PRDM11: variants seen among roughly 807,000 people sequenced by gnomAD.
The protein encoded by PRDM11 is PR/SET domain 11.
Under a neutral mutation model 97.8 loss-of-function variants are expected in PRDM11, and 20 were observed. The ratio of observed to expected loss-of-function variants is 0.20; its 90% CI spans 0.14 to 0.30. PRDM11 has a LOEUF of 0.30. PRDM11 is among the 10% of genes least tolerant of loss of function. PRDM11 has a pLI of 1.00. For synonymous variants in PRDM11, 599 were observed against 637.7 expected, an observed-to-expected ratio of 0.94 and a Z score of 0.91; for missense variants, 1,139 against 1,555.2, an observed-to-expected ratio of 0.73 and a Z score of 4.50.
chr11:45,166,490 T>G (rs1852068947), intron 1 of PRDM11, among the ~76,000 whole-genome samples: 1 of 152,220 alleles, frequency 6.6e-6, no homozygotes, highest in African/African-American at 2.4e-5. Context: ...AGTGGCACTC[T>G]TACCCATGGA....
At position 45,182,360 on chromosome 11, in the gene PRDM11, C is replaced by T. The variant is rs1310366312; in HGVS notation, c.223+11C>T. ...AAGTGGACTTCTGGTGTAAGTGGAGCTTGGGGCTCTGGGCTGCTCCTCCCT... is the reference window on the plus strand; with the variant it reads ...AAGTGGACTTCTGGTGTAAGTGGAGTTTGGGGCTCTGGGCTGCTCCTCCCT... On this transcript the variant is annotated intron_variant, in intron 3 of 7. Transcript: ENST00000683152. The T allele has an allele frequency of 6.2e-7, 1 of 1,610,390 alleles. No homozygotes were observed. The highest frequency in any genetic ancestry group is 8.5e-7 in the Non-Finnish European group (1 of 1,177,078).
chr11:45,225,136 G>T, intron 7 of PRDM11: 1 of 1,398,078 alleles, frequency 7.2e-7, no homozygotes, highest in Non-Finnish European at 9.3e-7. Flanking sequence ...CTCTGGTACT[G>T]GTGTCTTACC....
intron 1 of PRDM11, among the ~76,000 whole-genome samples, chr11:45,124,377 ATGT>A (rs1852516326): frequency 6.6e-6 from 1 of 152,016 alleles, no homozygotes; most frequent in African/African-American, 2.4e-5. Flanking sequence ...TTCCAACACT[ATGT>A]TGAATAGGAG....
intron 4 of PRDM11, among the ~76,000 whole-genome samples, chr11:45,195,478 G>A (rs1853087995): frequency 6.6e-6 from 1 of 151,984 alleles, no homozygotes; most frequent in African/African-American, 2.4e-5. Flanking sequence ...TATGTAGTAT[G>A]TGGTCTTTGT....
intron 1 of PRDM11, among the ~76,000 whole-genome samples, chr11:45,125,315 A>T (rs2135635895): frequency 6.6e-6 from 1 of 152,194 alleles, no homozygotes; most frequent in South Asian, 2.1e-4. Flanking sequence ...AATTTTTTGA[A>T]GGGTTTTTTG....
rs1351804498 is a variant in PRDM11, at chr11:45,233,068, C to T, written c.*4909C>T. The T allele has an allele frequency of 1.3e-5, 2 of 152,076 alleles. No individual in the cohort carries two copies. Among genetic ancestry groups the T allele is most frequent in the Non-Finnish European group, 2.9e-5 (2 of 68,026 alleles). The allele number at this position is 152,076 out of a possible 1,614,324, so 9.4% of individuals were successfully genotyped here. A position where few individuals can be genotyped will look rare whatever the true frequency, so the allele number is the denominator to read the frequency against. ...TGGACATATACAGTACGTATACACA[C>T]AGAGTAAGAGAGTAAATCACGTCTA... On this transcript the variant is annotated 3_prime_UTR_variant, in exon 8 of 8. Coordinates refer to ENST00000683152, the MANE Select transcript of PRDM11 (RefSeq NM_001384648.1).
Position 45,183,127 on chromosome 11 carries a change from A to G in PRDM11, c.486+4A>G. On this transcript the variant is annotated splice_donor_region_variant and intron_variant, in intron 4 of 7. Transcript: ENST00000683152. ...AGCTGGCTTCTTCTCCTGGCTGGTG[A>G]GTGTGCCCTGGGCTATTCATGGGAG... 1 of 1,610,512 alleles carries G rather than the reference A, an allele frequency of 6.2e-7. No homozygotes were observed. Among genetic ancestry groups the G allele is most frequent in the Non-Finnish European group, 8.5e-7 (1 of 1,178,278 alleles).
intron 4 of PRDM11, among the ~76,000 whole-genome samples, chr11:45,203,387 A>G (rs1285548043): frequency 6.6e-6 from 1 of 152,140 alleles, no homozygotes; most frequent in African/African-American, 2.4e-5. Context: ...CTAATTAAAA[A>G]TTCTGGGAAT....
chr11:45,215,423 AT>A (rs1374868537), intron 5 of PRDM11, among the ~76,000 whole-genome samples: 2 of 152,146 alleles, frequency 1.3e-5, no homozygotes, highest in African/African-American at 4.8e-5. Flanking sequence ...GGACTACCCA[AT>A]TTCCGAGAGA....
In PRDM11 at chr11:45,204,685, TC is replaced by T. The variant is rs1378164368; in HGVS notation, c.487-24del. On this transcript the variant is annotated intron_variant, in intron 4 of 7. Coordinates refer to ENST00000683152, the MANE Select transcript of PRDM11 (RefSeq NM_001384648.1). ...ATGAGAACCCCTCTAGAATGGCCCA[TC>T]CTAGACTCTTTCTCTTTCTTCCAGA... 3.8e-6 allele frequency: 6 copies of T among 1,596,540 alleles called. No homozygotes were observed. The African/African-American group carries it at 8.1e-5, about 21-fold the overall frequency.
At chr11:45,192,228 G>T (rs1590426039) in intron 4 of PRDM11, among the ~76,000 whole-genome samples, 1 of 152,214 alleles carries the variant, frequency 6.6e-6, no homozygotes, top group South Asian at 2.1e-4. Context: ...GGGTATAACA[G>T]AGGTACCAAG....
chr11:45,213,003 CACGGACT>C lies in PRDM11; in HGVS notation c.555-6564_555-6558del, dbSNP rs1565333176. ...CCAGCTTCCCCAGCATCAGCCCCCA[CACGGACT>C]ACCAGGTCTCGGAAGAGAAAGCACA... is the stretch of plus-strand genomic sequence containing the variant. On this transcript the variant is annotated intron_variant, in intron 5 of 7. Transcript: ENST00000683152. 1.2e-5 allele frequency: 5 copies of C among 404,004 alleles called. No individual in the cohort carries two copies. In the Admixed American group the frequency reaches 1.3e-4, roughly 10 times the overall value. The allele number at this position is 404,004 out of a possible 1,614,324, so 25.0% of individuals were successfully genotyped here.
At chr11:45,217,502 C>A (rs1214836230) in intron 5 of PRDM11, among the ~76,000 whole-genome samples, 1 of 152,230 alleles carries the variant, frequency 6.6e-6, no homozygotes, top group Admixed American at 6.5e-5. Context: ...CTTGCAAGTT[C>A]TACACCTCCA....
upstream of PRDM11, among the ~76,000 whole-genome samples, chr11:45,145,009 G>A (rs1260956866): frequency 2.1e-5 from 3 of 146,048 alleles, no homozygotes; most frequent in Non-Finnish European, 4.5e-5. Context: ...CCCAGTACCC[G>A]ACACTCTGCC....
At chr11:45,102,446 C>G (rs923059835) in intron 1 of PRDM11, among the ~76,000 whole-genome samples, 1 of 152,202 alleles carries the variant, frequency 6.6e-6, no homozygotes, top group Admixed American at 6.5e-5. Flanking sequence ...TTCAGCCTTG[C>G]AGCACTCCCT....
intron 1 of PRDM11, among the ~76,000 whole-genome samples, chr11:45,167,770 C>T (rs1229753574): frequency 3.9e-5 from 4 of 101,340 alleles, no homozygotes; most frequent in Non-Finnish European, 7.7e-5. Flanking sequence ...CACACACACA[C>T]ACACACACAC....
intron 2 of PRDM11, 126 bp from the exon 3 acceptor site, chr11:45,182,120 G>T (rs576230680): frequency 1.9e-4 from 158 of 835,310 alleles, no homozygotes; most frequent in Admixed American, 3.3e-4. Flanking sequence ...CAGCAGGCTG[G>T]CTGGGACTCC....
At chr11:45,130,285 G>A (rs1409489533) in intron 1 of PRDM11, among the ~76,000 whole-genome samples, 1 of 152,112 alleles carries the variant, frequency 6.6e-6, no homozygotes, top group African/African-American at 2.4e-5. Context: ...AAGAACTTCT[G>A]TTCATTAAAA....
chr11:45,101,567 A>AAAAAAGAAGAAGAAGAAGAAGAAG (rs767802218), intron 1 of PRDM11, among the ~76,000 whole-genome samples: 10 of 96,832 alleles, frequency 1.0e-4, no homozygotes, highest in African/African-American at 4.9e-4. Context: ...AAAAAAAAAA[A>AAAAAAGAAGAAGAAGAAGAAGAAG]AAGAAGAAGA....
Sources: allele counts gnomAD v4.1 joint callset (sites outside exome capture counted in the v4.1 genomes callset), GRCh38; gene constraint gnomAD v4.1.1; transcripts MANE v1.5; gene names NCBI Gene and HGNC (gene_info 2026-07-23, HGNC 2026-07-21).